FYN: variants seen among roughly 807,000 people sequenced by gnomAD.
The protein encoded by FYN is FYN proto-oncogene, Src family tyrosine kinase.
A neutral mutation model predicts 70.2 loss-of-function variants in FYN; 10 were observed. The ratio of observed to expected loss-of-function variants is 0.14; its 90% CI spans 0.09 to 0.24. The LOEUF is 0.24. Among genes scored for constraint, FYN ranks in the 10% least tolerant of loss-of-function variants. The probability of loss-of-function intolerance (pLI) is 1.00; values close to 1 mark genes in which losing one functional copy is unlikely to be tolerated. For missense variants in FYN, 319 were observed against 673.1 expected, an observed-to-expected ratio of 0.47 and a Z score of 5.82; for synonymous variants, 236 against 248.6, an observed-to-expected ratio of 0.95 and a Z score of 0.48.
At chr6:111,801,473 T>C (rs547257059) in intron 2 of FYN, among the ~76,000 whole-genome samples, 11 of 152,212 alleles carry the variant, frequency 7.2e-5, no homozygotes, top group Non-Finnish European at 1.2e-4. Flanking sequence ...TGTAGTTTAA[T>C]TGAACAAATA....
intron 6 of FYN, among the ~76,000 whole-genome samples, chr6:111,704,647 G>A (rs563644118): frequency 1.6e-4 from 25 of 151,584 alleles, no homozygotes; most frequent in Non-Finnish European, 2.2e-4. Flanking sequence ...CCAGGTACTC[G>A]GGAGGCTGAG....
Position 111,825,364 on chromosome 6 carries a change from A to C in FYN, c.-82+21225T>G, listed in dbSNP as rs189420915. On this transcript the variant is annotated intron_variant, in intron 2 of 13. Transcript: ENST00000354650. ...GGATTTATACTCTATAGAGGGTAGC[A>C]ACATAGGAGACAGAGCACAGTTTTG... 3.9e-5 allele frequency among the ~76,000 whole-genome samples: 6 copies of C among 152,350 alleles called. No individual in the cohort carries two copies. The East Asian group carries it at 1.2e-3, about 29-fold the overall frequency.
intron 2 of FYN, among the ~76,000 whole-genome samples, chr6:111,794,066 G>T (rs1470557887): frequency 6.6e-6 from 1 of 152,150 alleles, no homozygotes; most frequent in African/African-American, 2.4e-5. Context: ...CCCCTACCTG[G>T]GAGAAGATCC....
intron 3 of FYN, among the ~76,000 whole-genome samples, chr6:111,734,741 C>A (rs1282077681): frequency 6.6e-6 from 1 of 152,244 alleles, no homozygotes; most frequent in Non-Finnish European, 1.5e-5. Context: ...ACCATAGTAA[C>A]AAATCACCAG....
chr6:111,674,741 G>T, intron 12 of FYN, 111 bp from the exon 13 acceptor site: 1 of 1,201,534 alleles, frequency 8.3e-7, no homozygotes, highest in Non-Finnish European at 1.2e-6. Context: ...GGTTTAGAGG[G>T]GAAGACAGAA....
At chr6:111,869,803 T>C (rs577166798) in intron 1 of FYN, among the ~76,000 whole-genome samples, 85 of 152,220 alleles carry the variant, frequency 5.6e-4, no homozygotes, top group Non-Finnish European at 9.4e-4. Flanking sequence ...CACATCAAAG[T>C]CAACACAGGA....
At chr6:111,846,677 ACT>A (rs1773538379) in intron 1 of FYN, 48 bp from the exon 2 acceptor site, 2 of 398,634 alleles carry the variant, frequency 5.0e-6, no homozygotes. Flanking sequence ...AGAACCAAGT[ACT>A]CTCTGCCTAC....
At chr6:111,781,381 C>T (rs958960947) in intron 2 of FYN, among the ~76,000 whole-genome samples, 1 of 152,192 alleles carries the variant, frequency 6.6e-6, no homozygotes, top group South Asian at 2.1e-4. Context: ...CAGCATCATG[C>T]CTGGCATACA....
intron 1 of FYN, among the ~76,000 whole-genome samples, chr6:111,851,843 G>A (rs893687325): frequency 4.0e-5 from 6 of 151,764 alleles, no homozygotes; most frequent in African/African-American, 1.5e-4. Flanking sequence ...CACTGCTTGG[G>A]CAGGCTGCTA....
intron 2 of FYN, among the ~76,000 whole-genome samples, chr6:111,783,172 C>A (rs559272104): frequency 6.6e-6 from 1 of 152,302 alleles, no homozygotes; most frequent in South Asian, 2.1e-4. Flanking sequence ...ACAGTTCTTC[C>A]TTTTCAAACG....
chr6:111,797,591 T>G (rs2128517863), intron 2 of FYN, among the ~76,000 whole-genome samples: 1 of 149,230 alleles, frequency 6.7e-6, no homozygotes, highest in East Asian at 2.0e-4. Flanking sequence ...ACTTCAGTTA[T>G]TATTCAATTA....
At chr6:111,714,178 T>C (rs1193266759) in intron 5 of FYN, among the ~76,000 whole-genome samples, 169 bp downstream of exon 5, 1 of 152,222 alleles carries the variant, frequency 6.6e-6, no homozygotes. Context: ...CATAAAATAC[T>C]GCACTGTGTC....
At chr6:111,757,221 A>T (rs2128491520) in intron 3 of FYN, among the ~76,000 whole-genome samples, 1 of 152,366 alleles carries the variant, frequency 6.6e-6, no homozygotes, top group Admixed American at 6.5e-5. Context: ...AAGTTATTTT[A>T]AAAAATTGAG....
At chr6:111,830,639 T>C (rs1201848974) in intron 2 of FYN, among the ~76,000 whole-genome samples, 1 of 151,906 alleles carries the variant, frequency 6.6e-6, no homozygotes, top group African/African-American at 2.4e-5. Flanking sequence ...GAACACAGAA[T>C]AAAAAGTTAT....
intron 1 of FYN, 143 bp downstream of exon 1, chr6:111,872,825 G>T (rs1468393066): frequency 1.3e-5 from 2 of 151,550 alleles, no homozygotes; most frequent in Non-Finnish European, 2.9e-5. Flanking sequence ...CGACTCCCCG[G>T]CAGCCCCGCG....
rs116168601 is a variant in FYN at position 111,663,598 on chromosome 6, C to T, written c.1406-1651G>A. On this transcript the variant is annotated intron_variant, in intron 13 of 13. Transcript: ENST00000354650. Reference sequence around the variant, plus strand: ...CATTTCTTGAGGTAATAAAAATTCACATATTGTTTCTGCTGTACTGAAGTA... The same window carrying T: ...CATTTCTTGAGGTAATAAAAATTCATATATTGTTTCTGCTGTACTGAAGTA... 7.1e-3 allele frequency among the ~76,000 whole-genome samples: 1,079 copies of T among 152,344 alleles called. 9 individuals are homozygous for T. Among genetic ancestry groups the T allele is most frequent in the African/African-American group, 0.024 (1,001 of 41,578 alleles).
intron 2 of FYN, among the ~76,000 whole-genome samples, chr6:111,800,359 G>C (rs982794583): frequency 6.6e-6 from 1 of 152,238 alleles, no homozygotes; most frequent in Non-Finnish European, 1.5e-5. Context: ...AAGGATCCGG[G>C]GGATGGGAGA....
At chr6:111,816,424 A>C (rs976792780) in intron 2 of FYN, among the ~76,000 whole-genome samples, 3 of 152,196 alleles carry the variant, frequency 2.0e-5, no homozygotes, top group Non-Finnish European at 4.4e-5. Context: ...AGTTCCCTGA[A>C]ATAGACAACC....
At chr6:111,724,160 G>C (rs1005082647) in intron 3 of FYN, among the ~76,000 whole-genome samples, 1 of 152,152 alleles carries the variant, frequency 6.6e-6, no homozygotes, top group African/African-American at 2.4e-5. Flanking sequence ...ATAGTGTTAA[G>C]CAACCTGGGA....
Sources: gnomAD v4.1 joint callset for allele counts (sites outside exome capture counted in the v4.1 genomes callset) on GRCh38, gnomAD v4.1.1 for gene constraint, MANE v1.5 for transcripts, NCBI Gene and HGNC (gene_info 2026-07-23, HGNC 2026-07-21) for gene names.